The following FAAH2 variants were observed in gnomAD, a reference collection of about 807,000 sequenced individuals.
The protein encoded by FAAH2 is fatty-acid amide hydrolase 2.
Under a neutral mutation model 36.9 loss-of-function variants are expected in FAAH2, and 60 were observed. That is an observed-to-expected ratio of 1.63 (90% CI 1.32 to 2.02). FAAH2 has a LOEUF of 2.02. Ranked by LOEUF, FAAH2 falls within the 30% of genes most tolerant of loss-of-function variation. FAAH2 has a pLI of 0.00. For missense variants in FAAH2, 689 were observed against 397.5 expected (o/e 1.73, Z -6.23); for synonymous variants, 214 against 143.8 (o/e 1.49, Z -3.49).
At chrX:57,329,625 C>CCACACA (rs202211095) in intron 3 of FAAH2, among the ~76,000 whole-genome samples, 6 of 102,087 alleles carry the variant, frequency 5.9e-5, no homozygotes, top group Non-Finnish European at 8.0e-5. Context: ...AAGACAAGGT[C>CCACACA]CACACACACA....
the FAAH2 span, among the ~76,000 whole-genome samples, chrX:57,233,085 A>AT: frequency 1.8e-5 from 2 of 112,300 alleles, no homozygotes; most frequent in Non-Finnish European, 3.8e-5. Flanking sequence ...AGGAATGCCT[A>AT]CAACCAGGTC....
chrX:57,411,628 G>A (rs921939312), intron 7 of FAAH2, among the ~76,000 whole-genome samples: 4 of 111,926 alleles, frequency 3.6e-5, no homozygotes, highest in Non-Finnish European at 5.6e-5. Flanking sequence ...CTTTGCTGAT[G>A]TACTCTGTTT....
chrX:57,464,699 G>A (rs4826562), intron 10 of FAAH2, among the ~76,000 whole-genome samples: 39,613 of 109,032 alleles, frequency 0.36, 6,211 homozygotes, highest in Middle Eastern at 0.6. Context: ...ACAAATCAAC[G>A]TGCAAAAAAG....
At chrX:57,471,366 T>G (rs1449370056) in intron 10 of FAAH2, among the ~76,000 whole-genome samples, 1 of 111,833 alleles carries the variant, frequency 8.9e-6, no homozygotes, top group Non-Finnish European at 1.9e-5. Context: ...CAACCCAAAA[T>G]CTCCTTAAGC....
the FAAH2 span, among the ~76,000 whole-genome samples, chrX:57,242,492 T>G: frequency 8.9e-6 from 1 of 112,384 alleles, no homozygotes; most frequent in Admixed American, 9.3e-5. Context: ...AGAACAGTTC[T>G]GATCTGCAGC....
the FAAH2 span, among the ~76,000 whole-genome samples, chrX:57,194,860 T>C: frequency 1.8e-5 from 2 of 111,919 alleles, no homozygotes; most frequent in African/African-American, 6.5e-5. Flanking sequence ...CCTGAGTTAC[T>C]TTACTTAGAA....
At chrX:57,463,360 A>G (rs760736116) in intron 10 of FAAH2, among the ~76,000 whole-genome samples, 2 of 111,320 alleles carry the variant, frequency 1.8e-5, no homozygotes, top group Non-Finnish European at 3.8e-5. Context: ...AGAAAACCCT[A>G]AGAAAAAAGA....
the FAAH2 span, among the ~76,000 whole-genome samples, chrX:57,263,567 A>G: frequency 8.9e-6 from 1 of 112,164 alleles, no homozygotes; most frequent in Admixed American, 9.5e-5. Flanking sequence ...CTTTTGCAAG[A>G]TTTTTTATAA....
intron 10 of FAAH2, among the ~76,000 whole-genome samples, chrX:57,480,291 C>T (rs979453771): frequency 2.7e-5 from 3 of 111,587 alleles, no homozygotes; most frequent in Non-Finnish European, 5.6e-5. Flanking sequence ...ATACCAAAGC[C>T]GGGCAAAGAC....
intron 7 of FAAH2, among the ~76,000 whole-genome samples, chrX:57,428,086 C>T (rs2056205766): frequency 9.0e-6 from 1 of 111,641 alleles, no homozygotes; most frequent in Non-Finnish European, 1.9e-5. Context: ...ACAAAAATTA[C>T]TATTTACCAG....
At chrX:57,323,810 A>G (rs1292020979) in intron 3 of FAAH2, among the ~76,000 whole-genome samples, 10 of 107,145 alleles carry the variant, frequency 9.3e-5, no homozygotes, top group Admixed American at 8.3e-4. Flanking sequence ...CTCTGATGGT[A>G]GTTTCTTTTG....
intron 2 of FAAH2, among the ~76,000 whole-genome samples, chrX:57,293,452 A>G (rs2052044767): frequency 8.9e-6 from 1 of 112,066 alleles, no homozygotes. Flanking sequence ...TCATTTGATC[A>G]TCTCAACAGC....
intron 5 of FAAH2, among the ~76,000 whole-genome samples, chrX:57,364,785 G>T (rs1297408319): frequency 3.6e-5 from 4 of 110,760 alleles, no homozygotes; most frequent in Non-Finnish European, 5.7e-5. Context: ...AGTTTTTTTG[G>T]TTACTGCTTT....
In FAAH2 at chrX:57,464,518, C is replaced by CAAAAAAAAAAAAA. The variant is rs5902566; in HGVS notation, c.1423+15809_1423+15821dup. On this transcript the variant is annotated intron_variant, in intron 10 of 10. Coordinates refer to ENST00000374900, the MANE Select transcript of FAAH2 (RefSeq NM_174912.4). ...ATGGCCAAGTTCCTAATAGCAATTG[C>CAAAAAAAAAAAAA]AAAAAAAAAAAAAAAAAAAAATTGA... 4.9e-5 allele frequency among the ~76,000 whole-genome samples: 3 copies of CAAAAAAAAAAAAA among 60,984 alleles called. 1 individual carries two copies. The highest frequency in any genetic ancestry group is 6.4e-5 in the African/African-American group (1 of 15,528). The allele number at this position is 60,984 out of a possible 115,157, so 53.0% of individuals were successfully genotyped here. A position where few individuals can be genotyped will look rare whatever the true frequency, so the allele number is the denominator to read the frequency against.
intron 7 of FAAH2, among the ~76,000 whole-genome samples, chrX:57,392,434 G>A (rs1035114497): frequency 1.8e-5 from 2 of 111,237 alleles, no homozygotes; most frequent in African/African-American, 3.3e-5. Flanking sequence ...CGTCACTAAC[G>A]TAAATAGACA....
chrX:57,243,047 G>A, the FAAH2 span, among the ~76,000 whole-genome samples: 1 of 111,763 alleles, frequency 8.9e-6, no homozygotes, highest in Non-Finnish European at 1.9e-5. Flanking sequence ...GTCAATCTGG[G>A]ATGCTCCAGG....
At chrX:57,180,335 A>G in the FAAH2 span, among the ~76,000 whole-genome samples, 1 of 111,729 alleles carries the variant, frequency 9.0e-6, no homozygotes, top group Non-Finnish European at 1.9e-5. Flanking sequence ...GCCATTTTTA[A>G]AAAATATAGG....
the FAAH2 span, among the ~76,000 whole-genome samples, chrX:57,239,441 T>C: frequency 3.7e-5 from 4 of 107,290 alleles, no homozygotes; most frequent in African/African-American, 1.4e-4. Context: ...GGGTTTTCTT[T>C]TGTGAGCAAC....
At chrX:57,155,344 G>C in the FAAH2 span, among the ~76,000 whole-genome samples, 1 of 111,660 alleles carries the variant, frequency 9.0e-6, no homozygotes, top group African/African-American at 3.3e-5. Flanking sequence ...TGCTGTGGCT[G>C]CTATGGCAGA....
Sources: gnomAD v4.1 joint callset for allele counts (sites outside exome capture counted in the v4.1 genomes callset) on GRCh38, gnomAD v4.1.1 for gene constraint, MANE v1.5 for transcripts, NCBI Gene and HGNC (gene_info 2026-07-23, HGNC 2026-07-21) for gene names.